The following UBA6 variants were observed in gnomAD, a reference collection of about 807,000 sequenced individuals.
UBA6 encodes ubiquitin like modifier activating enzyme 6.
Under a neutral mutation model 148.3 loss-of-function variants are expected in UBA6, and 87 were observed. That is an observed-to-expected ratio of 0.59 (90% CI 0.49 to 0.70). The LOEUF (loss-of-function observed/expected upper bound fraction) is 0.70. Among genes scored for constraint, UBA6 ranks in the 30% least tolerant of loss-of-function variants. UBA6 has a pLI of 0.00. For synonymous variants in UBA6, 376 were observed against 401.0 expected (o/e 0.94, Z 0.75); for missense variants, 1,186 against 1,241.2 (o/e 0.96, Z 0.67).
At chr4:67,695,654 C>T (rs950296015) in intron 2 of UBA6, among the ~76,000 whole-genome samples, 2 of 152,174 alleles carry the variant, frequency 1.3e-5, no homozygotes, top group Non-Finnish European at 2.9e-5. Context: ...CTGTGCTACA[C>T]ACTGTTTTAA....
At position 67,624,061 on chromosome 4, in the gene UBA6, C is replaced by T. The variant is rs1728810613; in HGVS notation, c.2840+65G>A. ...AAAGAGGTGAAGCTAGTATTTTTCC[C>T]TTTTAAAAGGTAAAATATTTTATTT... On this transcript the variant is annotated intron_variant, in intron 30 of 32. Coordinates refer to ENST00000322244, the MANE Select transcript of UBA6 (RefSeq NM_018227.6). The T allele has an allele frequency of 2.0e-5, 28 of 1,381,724 alleles. No homozygotes were observed. The East Asian group carries it at 6.7e-4, about 33-fold the overall frequency. 85.6% of individuals were successfully genotyped at this position (1,381,724 alleles called of 1,614,324 possible).
intron 2 of UBA6, among the ~76,000 whole-genome samples, chr4:67,686,393 A>G (rs148429851): frequency 5.3e-5 from 8 of 152,248 alleles, no homozygotes; most frequent in African/African-American, 1.9e-4. Flanking sequence ...TTCTGGACAC[A>G]CTTCATTATC....
chr4:67,652,462 G>A lies in UBA6; in HGVS notation c.1105-3251C>T, dbSNP rs75951017. 1.2e-3 allele frequency among the ~76,000 whole-genome samples: 189 copies of A among 152,302 alleles called. 1 individual carries two copies. Among genetic ancestry groups the A allele is most frequent in the African/African-American group, 4.4e-3 (183 of 41,570 alleles). ...AGTGTAAGGAAGATGCAGCACAACT[G>A]AAATTCTCATACACTTCTGGTGAGA... On this transcript the variant is annotated intron_variant, in intron 13 of 32. Coordinates refer to ENST00000322244, the MANE Select transcript of UBA6 (RefSeq NM_018227.6).
chr4:67,624,004 G>A, intron 30 of UBA6, 122 bp downstream of exon 30: 3 of 800,098 alleles, frequency 3.7e-6, no homozygotes, highest in Non-Finnish European at 5.5e-6. Context: ...TTGAAGTGAT[G>A]GCAAAAATTT....
intron 19 of UBA6, among the ~76,000 whole-genome samples, 194 bp from the exon 20 acceptor site, chr4:67,635,752 T>C (rs929481651): frequency 1.3e-5 from 2 of 152,198 alleles, no homozygotes; most frequent in African/African-American, 4.8e-5. Flanking sequence ...CATATACATC[T>C]AGTAGTACCC....
chr4:67,682,582 A>C (rs1449999727), intron 2 of UBA6, among the ~76,000 whole-genome samples: 1 of 152,134 alleles, frequency 6.6e-6, no homozygotes, highest in Non-Finnish European at 1.5e-5. Flanking sequence ...TCCACCTTAA[A>C]ACTTTCACTA....
At chr4:67,630,443 C>T (rs1202565588) in intron 26 of UBA6, 23 bp downstream of exon 26, 1 of 1,545,622 alleles carries the variant, frequency 6.5e-7, no homozygotes, top group African/African-American at 1.4e-5. Context: ...GCATCACTTG[C>T]TAAGGCTTAA....
chr4:67,625,904 T>A (rs978498594), intron 28 of UBA6, among the ~76,000 whole-genome samples: 10 of 151,972 alleles, frequency 6.6e-5, no homozygotes, highest in African/African-American at 2.2e-4. Flanking sequence ...TCCCTGTCAG[T>A]AATTATGAAC....
At chr4:67,666,687 G>T (rs1026496715) in intron 9 of UBA6, among the ~76,000 whole-genome samples, 2 of 151,880 alleles carry the variant, frequency 1.3e-5, no homozygotes, top group Non-Finnish European at 2.9e-5. Flanking sequence ...ACCAGCTTGG[G>T]CAAAATAGAG....
At chr4:67,626,647 T>C (rs531763546) in intron 27 of UBA6, among the ~76,000 whole-genome samples, 170 bp from the exon 28 acceptor site, 3 of 152,058 alleles carry the variant, frequency 2.0e-5, no homozygotes, top group East Asian at 3.9e-4. Flanking sequence ...GAAGGTATTA[T>C]TATGTTATTC....
intron 20 of UBA6, among the ~76,000 whole-genome samples, chr4:67,635,242 A>G (rs1316121657): frequency 2.6e-5 from 4 of 152,156 alleles, no homozygotes; most frequent in Non-Finnish European, 5.9e-5. Context: ...AATAGTAAAC[A>G]GAAGAATAAT....
At chr4:67,666,868 C>T (rs540378791) in intron 9 of UBA6, among the ~76,000 whole-genome samples, 2 of 151,730 alleles carry the variant, frequency 1.3e-5, no homozygotes, top group East Asian at 3.9e-4. Context: ...GAGCAAGATG[C>T]TATCTCAAAA....
intron 31 of UBA6, 39 bp from the exon 32 acceptor site, chr4:67,622,964 C>T (rs762268408): frequency 5.3e-6 from 8 of 1,521,502 alleles, no homozygotes; most frequent in East Asian, 2.3e-5. Context: ...ATGAAAGCCT[C>T]GCTCAAACAT....
rs777616866 is a variant in UBA6, at chr4:67,670,191, CT to C, written c.669+278del. On this transcript the variant is annotated intron_variant, in intron 8 of 32. Transcript: ENST00000322244. The stretch of plus-strand genomic sequence containing the variant: ...ACTCCTGAGCTAAAGTGATCCACCC[CT>C]GTCAGCCTCCAAAAGTGCTGGGATT... 8.4e-4 allele frequency among the ~76,000 whole-genome samples: 128 copies of C among 152,218 alleles called. 1 individual carries two copies. The highest frequency in any genetic ancestry group is 8.4e-4 in the Non-Finnish European group (57 of 67,990).
At chr4:67,630,211 A>C (rs1728964578) in intron 26 of UBA6, among the ~76,000 whole-genome samples, 1 of 152,038 alleles carries the variant, frequency 6.6e-6, no homozygotes, top group African/African-American at 2.4e-5. Context: ...TTCTTAAAAC[A>C]AAGTTTAACT....
At position 67,619,142 on chromosome 4, in the gene UBA6, A is replaced by G. The variant is rs749960735; in HGVS notation, c.3024-10T>C. 3.2e-6 allele frequency: 5 copies of G among 1,580,918 alleles called. No homozygotes were observed. Among genetic ancestry groups the G allele is most frequent in the Non-Finnish European group, 4.3e-6 (5 of 1,154,772 alleles). On this transcript the variant is annotated splice_polypyrimidine_tract_variant and intron_variant, in intron 32 of 32. Coordinates refer to ENST00000322244, the MANE Select transcript of UBA6 (RefSeq NM_018227.6). ...TACAAGTTTATGCATTCTAAGAAAA[A>G]TAAGCAAGAATGAATACTTTGGTAA...
At chr4:67,636,713 G>A (rs541748416) in intron 19 of UBA6, among the ~76,000 whole-genome samples, 32 of 152,344 alleles carry the variant, frequency 2.1e-4, no homozygotes, top group African/African-American at 6.0e-4. Flanking sequence ...GCCCAGGCTG[G>A]AGTGCAGTGG....
At chr4:67,694,283 C>CAAAAAA (rs771497060) in intron 2 of UBA6, among the ~76,000 whole-genome samples, 1 of 126,620 alleles carries the variant, frequency 7.9e-6, no homozygotes, top group African/African-American at 2.9e-5. Flanking sequence ...GATTCAGTCA[C>CAAAAAA]TATAAAAAAA....
At chr4:67,632,300 AT>A (rs34727879) in intron 23 of UBA6, among the ~76,000 whole-genome samples, 58,899 of 151,926 alleles carry the variant, frequency 0.39, 11,502 homozygotes, top group Middle Eastern at 0.51. Flanking sequence ...TATTTTTGAA[AT>A]TGATACATGT....
Sources: allele counts gnomAD v4.1 joint callset (sites outside exome capture counted in the v4.1 genomes callset), GRCh38; gene constraint gnomAD v4.1.1; transcripts MANE v1.5; gene names NCBI Gene and HGNC (gene_info 2026-07-23, HGNC 2026-07-21).